The following ZNF182 variants were observed in gnomAD, a reference collection of about 807,000 sequenced individuals.
The protein encoded by ZNF182 is zinc finger protein 182, also known as zinc finger protein 21 (KOX 14).
A neutral mutation model predicts 28.1 loss-of-function variants in ZNF182; 10 were observed. The observed-to-expected ratio is 0.36, with a 90% CI of 0.22 to 0.60. The LOEUF (loss-of-function observed/expected upper bound fraction) is 0.60, where lower values mean the gene tolerates loss of function less well. Among genes scored for constraint, ZNF182 ranks in the 20% least tolerant of loss-of-function variants. The pLI, the probability that ZNF182 is intolerant of heterozygous loss-of-function variation, is 0.75. For missense variants in ZNF182, 352 were observed against 453.2 expected (o/e 0.78, Z 2.03); for synonymous variants, 156 against 158.7 (o/e 0.98, Z 0.13).
At chrX:47,987,076 CAT>C (rs1301793648) in intron 3 of ZNF182, among the ~76,000 whole-genome samples, 11 of 111,826 alleles carry the variant, frequency 9.8e-5, no homozygotes, top group Non-Finnish European at 1.7e-4. Context: ...AAATCCCCCT[CAT>C]ATATTCATCT....
At chrX:47,991,145 A>G (rs782334961) in intron 3 of ZNF182, among the ~76,000 whole-genome samples, 66 of 111,925 alleles carry the variant, frequency 5.9e-4, no homozygotes, top group Non-Finnish European at 1.0e-3. Context: ...AAATAAGGCC[A>G]TAAGGGTAGG....
At chrX:47,996,866 C>T (rs1380107531) in intron 3 of ZNF182, among the ~76,000 whole-genome samples, 1 of 111,947 alleles carries the variant, frequency 8.9e-6, no homozygotes, top group Non-Finnish European at 1.9e-5. Context: ...ATCTGCAAGC[C>T]AGAAAGAGTG....
intron 3 of ZNF182, among the ~76,000 whole-genome samples, chrX:48,000,882 C>T (rs782192336): frequency 9.0e-6 from 1 of 111,700 alleles, no homozygotes; most frequent in Non-Finnish European, 1.9e-5. Flanking sequence ...GCAAGAAAAT[C>T]CAATTGAAAA....
intron 3 of ZNF182, among the ~76,000 whole-genome samples, chrX:47,988,983 G>T (rs2058932266): frequency 8.9e-6 from 1 of 112,166 alleles, no homozygotes; most frequent in Non-Finnish European, 1.9e-5. Flanking sequence ...ATACTAATTG[G>T]TGAAAAGTTT....
chrX:47,989,694 T>C (rs183720024), intron 3 of ZNF182, among the ~76,000 whole-genome samples: 40 of 111,852 alleles, frequency 3.6e-4, no homozygotes, highest in Admixed American at 7.6e-4. Flanking sequence ...ACTTTCTGAG[T>C]GTGTTCAGTG....
chrX:47,985,882 T>C (rs181944015), intron 3 of ZNF182, among the ~76,000 whole-genome samples: 29 of 111,650 alleles, frequency 2.6e-4, no homozygotes, highest in African/African-American at 8.8e-4. Context: ...CTGGCTACTT[T>C]GGGCTCCTCC....
At chrX:48,001,663 A>G (rs1285484131) in intron 3 of ZNF182, among the ~76,000 whole-genome samples, 1 of 111,593 alleles carries the variant, frequency 9.0e-6, no homozygotes, top group African/African-American at 3.3e-5. Flanking sequence ...TTTTTGCAGG[A>G]TGTTATCATT....
chrX:47,998,083 C>CT lies in ZNF182; in HGVS notation c.15+4511dup, dbSNP rs781980046. On this transcript the variant is annotated intron_variant, in intron 3 of 5. Transcript: ENST00000376943. ...CAGAATATACATTCTTTTCTTTTCTCTTTTTTTTTTTTTTTGAGACAGAGT... is the reference window on the plus strand; with the variant it reads ...CAGAATATACATTCTTTTCTTTTCTCTTTTTTTTTTTTTTTTGAGACAGAGT... 7.4e-3 allele frequency among the ~76,000 whole-genome samples: 741 copies of CT among 99,492 alleles called. 3 individuals carry two copies. Among genetic ancestry groups the CT allele is most frequent in the Middle Eastern group, 0.015 (3 of 202 alleles). The allele number at this position is 99,492 out of a possible 115,157, so 86.4% of individuals were successfully genotyped here. A position where few individuals can be genotyped will look rare whatever the true frequency, so the allele number is the denominator to read the frequency against.
At position 47,977,331 on chromosome X, in the gene ZNF182, A is replaced by G. The variant is rs1422622410; in HGVS notation, c.699T>C (p.His233=). The G allele has an allele frequency of 8.3e-7, 1 of 1,208,603 alleles. No homozygotes were observed. The highest frequency in any genetic ancestry group is 1.1e-6 in the Non-Finnish European group (1 of 894,625). The change falls in exon 6 of 6, where the codon CAT becomes CAC. Residue 233 remains histidine (H), a synonymous_variant. Transcript: ENST00000376943. ...GTTTCTCTCCCGTATGAGTTCTCCA[A>G]TGTACAATGAGGTGTGACTTCTTGC... ...TFSKKSHLIV[H]WRTHTGEKPF...
Position 47,976,244 on chromosome X carries a change from C to T in ZNF182, c.1786G>A (p.Val596Ile). ...TTTCCTGCATGGGTTCGCTGATGTA[C>T]AATAAGGTTTGATTTTTGGGTAAAG... The part of the protein sequence containing the change: ...KAFTQKSNLI[V>I]HQRTHAGKKA... Residue 596 changes from valine (V) to isoleucine (I), a missense_variant, in exon 6 of 6, where the codon GTA becomes ATA. Coordinates refer to ENST00000376943, the MANE Select transcript of ZNF182 (RefSeq NM_001007088.2). 1.7e-6 allele frequency: 2 copies of T among 1,199,141 alleles called. No individual in the cohort carries two copies. Among genetic ancestry groups the T allele is most frequent in the South Asian group, 3.7e-5 (2 of 54,158 alleles).
chrX:47,993,075 C>T (rs1201826394), intron 3 of ZNF182, among the ~76,000 whole-genome samples: 3 of 113,083 alleles, frequency 2.7e-5, no homozygotes, highest in African/African-American at 9.6e-5. Flanking sequence ...CTTTCAGGCC[C>T]ACCCCCAGAC....
Position 47,983,058 on chromosome X carries a change from G to A in ZNF182, c.143-20C>T. On this transcript the variant is annotated intron_variant, in intron 4 of 5. Transcript: ENST00000376943. ...GCTGCCCTGTTGATGAGAAATGACAGTGATACCTCCTTGGCTTTCAGAGCC... is the reference window on the plus strand; with the variant it reads ...GCTGCCCTGTTGATGAGAAATGACAATGATACCTCCTTGGCTTTCAGAGCC... 1 of 1,201,314 alleles carries A rather than the reference G, an allele frequency of 8.3e-7. No homozygotes were observed.
At position 47,977,255 on chromosome X, in the gene ZNF182, T is replaced by C. The variant is rs782384849; in HGVS notation, c.775A>G (p.Ile259Val). The change falls in exon 6 of 6, where the codon ATT (isoleucine) becomes GTT (valine). Residue 259 changes from isoleucine to valine, a missense_variant. Coordinates refer to ENST00000376943, the MANE Select transcript of ZNF182 (RefSeq NM_001007088.2). Reference sequence around the variant, plus strand: ...CCTGTATGAGTTCGCAAGTGTATAATGAGCTGAGATTTTTGGCTAAAAGCT... The same window carrying C: ...CCTGTATGAGTTCGCAAGTGTATAACGAGCTGAGATTTTTGGCTAAAAGCT... ...GKAFSQKSQL[I>V]IHLRTHTGER... 2 of 1,210,691 alleles carry C rather than the reference T, an allele frequency of 1.7e-6. No individual in the cohort carries two copies. Among genetic ancestry groups the C allele is most frequent in the South Asian group, 1.8e-5 (1 of 56,788 alleles).
At chrX:47,984,822 G>T (rs1159017315) in intron 3 of ZNF182, among the ~76,000 whole-genome samples, 1 of 111,578 alleles carries the variant, frequency 9.0e-6, no homozygotes, top group Non-Finnish European at 1.9e-5. Context: ...AAACAAAGTG[G>T]GCAAAAGAGA....
In ZNF182 at chrX:48,002,668, G is replaced by A. The variant is rs1165225712; in HGVS notation, c.-44-15C>T. On this transcript the variant is annotated splice_polypyrimidine_tract_variant and intron_variant, in intron 2 of 5. Coordinates refer to ENST00000376943, the MANE Select transcript of ZNF182 (RefSeq NM_001007088.2). Reference sequence around the variant, plus strand: ...TGACGGCCGAGCTGGAACAAGTGGAGAAGAGTACAGCAGATGAGGAGACCC... The same window carrying A: ...TGACGGCCGAGCTGGAACAAGTGGAAAAGAGTACAGCAGATGAGGAGACCC... 6 of 1,189,153 alleles carry A rather than the reference G, an allele frequency of 5.0e-6. No homozygotes were observed. The East Asian group carries it at 8.9e-5, about 18-fold the overall frequency.
intron 3 of ZNF182, among the ~76,000 whole-genome samples, chrX:47,999,447 G>A (rs187589320): frequency 9.1e-6 from 1 of 110,137 alleles, no homozygotes; most frequent in Non-Finnish European, 1.9e-5. Context: ...AATAAGCCAG[G>A]TACAGAAAGA....
At chrX:47,980,373 G>A (rs1179950580) in intron 5 of ZNF182, among the ~76,000 whole-genome samples, 4 of 111,348 alleles carry the variant, frequency 3.6e-5, no homozygotes, top group African/African-American at 1.3e-4. Context: ...ATAAGTTTCC[G>A]TGTTACATTG....
rs782490530 is a variant in ZNF182, at chrX:47,977,442, A to G, written c.588T>C (p.Leu196=). ...GTAGACTAAGGCCTTTCTTTCGCCT[A>G]AGACCTTTCCCACACTCTTTATAGC... The part of the protein sequence containing the change: ...PYGYKECGKG[L]RRKKGLSLHQ... The change falls in exon 6 of 6, where the codon CTT becomes CTC. Residue 196 remains leucine, a synonymous_variant. Coordinates refer to ENST00000376943, the MANE Select transcript of ZNF182 (RefSeq NM_001007088.2). 1 of 1,211,664 alleles carries G rather than the reference A, an allele frequency of 8.3e-7. No individual in the cohort carries two copies. The highest frequency in any genetic ancestry group is 1.1e-6 in the Non-Finnish European group (1 of 895,496).
intron 3 of ZNF182, among the ~76,000 whole-genome samples, chrX:47,989,881 G>T (rs1158203919): frequency 9.0e-6 from 1 of 111,449 alleles, no homozygotes; most frequent in Non-Finnish European, 1.9e-5. Context: ...GGAATATATA[G>T]CCAGAACGTT....
Sources: allele counts gnomAD v4.1 joint callset (sites outside exome capture counted in the v4.1 genomes callset), GRCh38; gene constraint gnomAD v4.1.1; transcripts MANE v1.5; gene names NCBI Gene and HGNC (gene_info 2026-07-23, HGNC 2026-07-21).